CAMKMT: variants seen among roughly 807,000 people sequenced by gnomAD.
CAMKMT encodes the protein calmodulin-lysine N-methyltransferase, also known as CaM KMT.
Under a neutral mutation model 48.0 loss-of-function variants are expected in CAMKMT, and 53 were observed. That is an observed-to-expected ratio of 1.10 (90% CI 0.89 to 1.39). The LOEUF (loss-of-function observed/expected upper bound fraction) is 1.39, where lower values mean the gene tolerates loss of function less well. CAMKMT is among the 40% of genes most tolerant of loss of function. The pLI is 0.00. For synonymous variants in CAMKMT, 165 were observed against 152.3 expected (o/e 1.08, Z -0.61); for missense variants, 428 against 402.7 (o/e 1.06, Z -0.54).
intron 3 of CAMKMT, among the ~76,000 whole-genome samples, chr2:44,482,291 G>C (rs1396182687): frequency 6.6e-6 from 1 of 152,136 alleles, no homozygotes; most frequent in South Asian, 2.1e-4. Context: ...TGTACGTATT[G>C]TACATATGAC....
intron 3 of CAMKMT, among the ~76,000 whole-genome samples, chr2:44,574,976 G>A (rs1418949477): frequency 2.0e-5 from 3 of 151,874 alleles, no homozygotes; most frequent in African/African-American, 4.8e-5. Flanking sequence ...CACTGGTCTC[G>A]AACTCCTGAC....
intron 3 of CAMKMT, among the ~76,000 whole-genome samples, chr2:44,441,851 T>C (rs1355703576): frequency 6.6e-6 from 1 of 152,234 alleles, no homozygotes; most frequent in African/African-American, 2.4e-5. Flanking sequence ...GCTTTTATAC[T>C]TGAAATAATA....
intron 3 of CAMKMT, among the ~76,000 whole-genome samples, chr2:44,495,316 T>A (rs1279049119): frequency 6.6e-6 from 1 of 151,918 alleles, no homozygotes; most frequent in Non-Finnish European, 1.5e-5. Flanking sequence ...ATTTTTTAAA[T>A]TTTTTTGGTA....
At chr2:44,490,287 CTTTT>C (rs1669426351) in intron 3 of CAMKMT, among the ~76,000 whole-genome samples, 3 of 151,332 alleles carry the variant, frequency 2.0e-5, no homozygotes, top group Admixed American at 2.0e-4. Flanking sequence ...TTCTTTCTTT[CTTTT>C]TGAGATGGAG....
At chr2:44,614,898 G>C (rs896585962) in intron 3 of CAMKMT, among the ~76,000 whole-genome samples, 4 of 135,804 alleles carry the variant, frequency 2.9e-5, no homozygotes, top group Admixed American at 8.0e-5. Context: ...TGCTACTACT[G>C]ACCCTTATTC....
At chr2:44,768,361 A>ATATATATTTTT (rs35058824) in intron 10 of CAMKMT, among the ~76,000 whole-genome samples, 1 of 115,744 alleles carries the variant, frequency 8.6e-6, no homozygotes, top group African/African-American at 3.7e-5. Flanking sequence ...ATATATATAT[A>ATATATATTTTT]TTTTTTTTTT....
intron 3 of CAMKMT, among the ~76,000 whole-genome samples, chr2:44,409,102 T>A (rs1558587750): frequency 3.3e-4 from 1 of 3,076 alleles, no homozygotes; most frequent in African/African-American, 1.6e-3. Flanking sequence ...TATATATATA[T>A]ATATATATAT....
At chr2:44,434,264 T>C (rs1684819710) in intron 3 of CAMKMT, among the ~76,000 whole-genome samples, 2 of 151,882 alleles carry the variant, frequency 1.3e-5, no homozygotes, top group South Asian at 2.1e-4. Context: ...TTTCCATTGA[T>C]AGAATATTTT....
At chr2:44,584,479 T>A (rs542318121) in intron 3 of CAMKMT, among the ~76,000 whole-genome samples, 2 of 152,318 alleles carry the variant, frequency 1.3e-5, no homozygotes, top group South Asian at 4.1e-4. Context: ...TCATTGATAA[T>A]TTATGGATAA....
In CAMKMT at chr2:44,558,136, C is replaced by T. The variant is rs367822935; in HGVS notation, c.377-146147C>T. Among the ~76,000 whole-genome samples the T allele has an allele frequency of 3.3e-5, 5 of 152,192 alleles. No homozygotes were observed. The East Asian group carries it at 9.7e-4, about 29-fold the overall frequency. ...GTGATGTCAATATAGCTCACTGCAG[C>T]CTCGAACTCCTGGGCTCAAGTGATC... is the stretch of plus-strand genomic sequence containing the variant. On this transcript the variant is annotated intron_variant, in intron 3 of 10. Coordinates refer to ENST00000378494, the MANE Select transcript of CAMKMT (RefSeq NM_024766.5).
chr2:44,624,234 T>G, intron 3 of CAMKMT, among the ~76,000 whole-genome samples: 1 of 152,156 alleles, frequency 6.6e-6, no homozygotes, highest in East Asian at 1.9e-4. Context: ...GTGCACAAGA[T>G]TTTTTGTGAA....
At chr2:44,403,992 G>C (rs1468534779) in intron 3 of CAMKMT, among the ~76,000 whole-genome samples, 3 of 152,030 alleles carry the variant, frequency 2.0e-5, no homozygotes, top group Non-Finnish European at 1.5e-5. Flanking sequence ...TAGTTTATTG[G>C]TCCTTTCTAT....
At chr2:44,660,461 T>A (rs983585692) in intron 3 of CAMKMT, among the ~76,000 whole-genome samples, 1 of 152,256 alleles carries the variant, frequency 6.6e-6, no homozygotes, top group Non-Finnish European at 1.5e-5. Flanking sequence ...AATAATATTT[T>A]GCTCACATTT....
chr2:44,366,795 C>T (rs1175297615), intron 1 of CAMKMT, among the ~76,000 whole-genome samples: 1 of 150,898 alleles, frequency 6.6e-6, no homozygotes, highest in Non-Finnish European at 1.5e-5. Flanking sequence ...GATCTCGGCT[C>T]ACTGCAACCT....
At chr2:44,752,842 T>A (rs1230322646) in intron 8 of CAMKMT, among the ~76,000 whole-genome samples, 1 of 152,166 alleles carries the variant, frequency 6.6e-6, no homozygotes, top group Non-Finnish European at 1.5e-5. Context: ...TACTGTTGCA[T>A]TGGGGATTAA....
At chr2:44,484,880 A>G (rs113475288) in intron 3 of CAMKMT, among the ~76,000 whole-genome samples, 8 of 152,282 alleles carry the variant, frequency 5.3e-5, no homozygotes, top group African/African-American at 1.9e-4. Context: ...TCAACAGGAA[A>G]AAAAAGAACC....
intron 3 of CAMKMT, among the ~76,000 whole-genome samples, chr2:44,588,155 C>G (rs1669990406): frequency 7.3e-6 from 1 of 136,562 alleles, no homozygotes; most frequent in African/African-American, 2.7e-5. Flanking sequence ...TGAGGAGCGC[C>G]TCTGCCCGGC....
intron 3 of CAMKMT, chr2:44,395,087 G>A (rs74262109): frequency 7.5e-6 from 3 of 400,050 alleles, no homozygotes; most frequent in Admixed American, 6.2e-5. Flanking sequence ...GGAAACCAAA[G>A]GTAATAGTTT....
chr2:44,421,894 A>G (rs192933788), intron 3 of CAMKMT, among the ~76,000 whole-genome samples: 28 of 152,356 alleles, frequency 1.8e-4, no homozygotes, highest in Non-Finnish European at 4.0e-4. Flanking sequence ...TTGAGTAGAA[A>G]TAAATTCATT....
Sources: gnomAD v4.1 joint callset for allele counts (sites outside exome capture counted in the v4.1 genomes callset) on GRCh38, gnomAD v4.1.1 for gene constraint, MANE v1.5 for transcripts, NCBI Gene and HGNC (gene_info 2026-07-23, HGNC 2026-07-21) for gene names.